CD36: variants seen among roughly 807,000 people sequenced by gnomAD.
The protein encoded by CD36 is CD36 molecule (CD36 blood group).
In CD36, 119 loss-of-function variants were observed where a neutral mutation model predicts 55.2. The ratio of observed to expected loss-of-function variants is 2.15; its 90% CI spans 1.86 to 2.51. The LOEUF (loss-of-function observed/expected upper bound fraction) is 2.51, where lower values mean the gene tolerates loss of function less well. CD36 is among the 30% of genes most tolerant of loss of function. The pLI, the probability that CD36 is intolerant of heterozygous loss-of-function variation, is 0.00. For synonymous variants in CD36, 186 were observed against 193.6 expected, an observed-to-expected ratio of 0.96 and a Z score of 0.33; for missense variants, 819 against 555.5, an observed-to-expected ratio of 1.47 and a Z score of -4.77.
chr7:80,654,015 G>A (rs1795822618), intron 3 of CD36, among the ~76,000 whole-genome samples: 1 of 152,066 alleles, frequency 6.6e-6, no homozygotes. Context: ...TAAAAAAATG[G>A]ACGGGGTTAG....
At position 80,674,083 on chromosome 7, in the gene CD36, G is replaced by GACACCACTTAAA. The variant is rs1798016832; in HGVS notation, c.1355_1356insACACCACTTAAA (p.Gly452_Val453insHisHisLeuAsn). ...ATAGAAATGATCTTACTCAGTGTTGGTGTGGTGATGTTTGTTGCTTTTATG... is the reference window on the plus strand; with the variant it reads ...ATAGAAATGATCTTACTCAGTGTTGGACACCACTTAAATGTGGTGATGTTTGTTGCTTTTATG... On this transcript the variant is annotated inframe_insertion, in exon 14 of 15. Transcript: ENST00000447544. 2 of 1,612,126 alleles carry GACACCACTTAAA rather than the reference G, an allele frequency of 1.2e-6. No homozygotes were observed. The highest frequency in any genetic ancestry group is 1.7e-6 in the Non-Finnish European group (2 of 1,178,796).
intron 1 of CD36, among the ~76,000 whole-genome samples, chr7:80,609,017 T>C (rs891439903): frequency 6.6e-6 from 1 of 151,172 alleles, no homozygotes; most frequent in African/African-American, 2.4e-5. Context: ...TTCTTCATGC[T>C]GATGCCAAGG....
intron 12 of CD36, 94 bp from the exon 13 acceptor site, chr7:80,673,261 G>A: frequency 4.7e-6 from 3 of 631,636 alleles, no homozygotes; most frequent in Non-Finnish European, 8.3e-6. Flanking sequence ...AATCAAATTA[G>A]CAACAGCAAC....
intron 1 of CD36, chr7:80,626,082 G>A (rs1448767942): frequency 6.6e-6 from 1 of 152,088 alleles, no homozygotes; most frequent in African/African-American, 2.4e-5. Context: ...AAGGGATGAT[G>A]AAAGATCAGT....
chr7:80,675,533 G>A (rs1798126025), intron 14 of CD36, among the ~76,000 whole-genome samples: 1 of 151,880 alleles, frequency 6.6e-6, no homozygotes, highest in South Asian at 2.1e-4. Flanking sequence ...GCTTGCTGGA[G>A]CAACTTTGTC....
chr7:80,675,190 G>GCTTCAAAAT (rs925040346), intron 14 of CD36, among the ~76,000 whole-genome samples: 55 of 152,046 alleles, frequency 3.6e-4, no homozygotes, highest in Non-Finnish European at 3.5e-4. Flanking sequence ...GGACAGAATG[G>GCTTCAAAAT]CTTCAAAATG....
chr7:80,646,663 G>A lies in CD36; in HGVS notation c.-78G>A. ...CTTTCTAATGATAGAACCAGAGCTTGTAGAAACCACTTTAATCATATCCAG... is the reference window on the plus strand; with the variant it reads ...CTTTCTAATGATAGAACCAGAGCTTATAGAAACCACTTTAATCATATCCAG... On this transcript the variant is annotated 5_prime_UTR_variant, in exon 3 of 15. Coordinates refer to ENST00000447544, the MANE Select transcript of CD36 (RefSeq NM_001001548.3). 1.3e-6 allele frequency: 2 copies of A among 1,558,932 alleles called. No individual in the cohort carries two copies. Among genetic ancestry groups the A allele is most frequent in the East Asian group, 4.5e-5 (2 of 44,436 alleles).
chr7:80,646,847 A>G lies in CD36; in HGVS notation c.107A>G (p.Lys36Arg). Residue 36 changes from lysine (K) to arginine (R), a missense_variant, in exon 3 of 15, where the codon AAG (lysine) becomes AGG (arginine). By Grantham distance (26) the Lys-to-Arg change is conservative. Coordinates refer to ENST00000447544, the MANE Select transcript of CD36 (RefSeq NM_001001548.3). Reference sequence around the variant, plus strand: ...CCAGTTGGAGACCTGCTTATCCAGAAGACAATTAAAAAGGTACAAGTAGTC... The same window carrying G: ...CCAGTTGGAGACCTGCTTATCCAGAGGACAATTAAAAAGGTACAAGTAGTC... ...LMPVGDLLIQ[K>R]TIKKQVVLEE... 6.2e-7 allele frequency: 1 copy of G among 1,613,968 alleles called. No homozygotes were observed. The highest frequency in any genetic ancestry group is 8.5e-7 in the Non-Finnish European group (1 of 1,179,878).
chr7:80,620,881 A>G (rs774673415), intron 1 of CD36, among the ~76,000 whole-genome samples: 2 of 152,256 alleles, frequency 1.3e-5, no homozygotes, highest in Non-Finnish European at 1.5e-5. Flanking sequence ...ATAATATTAC[A>G]TAAAGTTGGT....
Position 80,673,965 on chromosome 7 carries a change from T to TTATTAACTTGATTA in CD36, c.1255-17_1255-4dup. The TTATTAACTTGATTA allele has an allele frequency of 6.2e-7, 1 of 1,603,418 alleles. No homozygotes were observed. Among genetic ancestry groups the TTATTAACTTGATTA allele is most frequent in the Admixed American group, 1.7e-5 (1 of 59,808 alleles). On this transcript the variant is annotated splice_polypyrimidine_tract_variant and intron_variant, in intron 13 of 14. Transcript: ENST00000447544. ...TACTAACGTACCCAAATAATGTTGA[T>TTATTAACTTGATTA]TATTAACTTGATTACAGACTGGGAC...
intron 1 of CD36, among the ~76,000 whole-genome samples, chr7:80,606,447 G>T (rs144101151): frequency 1.3e-5 from 2 of 152,090 alleles, no homozygotes; most frequent in African/African-American, 4.8e-5. Context: ...TTTACAAGAC[G>T]CTAAATATAT....
rs563979368 is a variant in CD36, at chr7:80,670,124, TTAAC to T, written c.818+108_818+111del. The T allele has an allele frequency of 1.3e-3, 1,077 of 798,914 alleles. 14 individuals are homozygous for T. The highest frequency in any genetic ancestry group is 0.012 in the South Asian group (894 of 72,320). 49.5% of individuals were successfully genotyped at this position (798,914 alleles called of 1,614,324 possible). On this transcript the variant is annotated intron_variant, in intron 9 of 14. Coordinates refer to ENST00000447544, the MANE Select transcript of CD36 (RefSeq NM_001001548.3). Reference sequence around the variant, plus strand: ...CAGCATAGGAAATTCATCATGTTTATTAACTAACTCTTTGCAAAATGTTCTTCTG... The same window carrying T: ...CAGCATAGGAAATTCATCATGTTTATTAACTCTTTGCAAAATGTTCTTCTG...
intron 1 of CD36, among the ~76,000 whole-genome samples, chr7:80,631,255 C>T (rs987670014): frequency 5.3e-5 from 8 of 151,948 alleles, no homozygotes; most frequent in African/African-American, 1.2e-4. Flanking sequence ...TTGAGTCCTT[C>T]GTTGTTTGCT....
At chr7:80,633,633 C>G (rs1187855174) in intron 1 of CD36, among the ~76,000 whole-genome samples, 2 of 151,972 alleles carry the variant, frequency 1.3e-5, no homozygotes, top group African/African-American at 4.8e-5. Context: ...AGTCCTTCCT[C>G]AACTTATAAA....
In CD36 at chr7:80,661,156, AC is replaced by A. The variant is rs1408214637; in HGVS notation, c.376del (p.Leu126TyrfsTer31). 6.2e-7 allele frequency: 1 copy of A among 1,613,894 alleles called. No homozygotes were observed. The highest frequency in any genetic ancestry group is 8.5e-7 in the Non-Finnish European group (1 of 1,179,912). Reference protein sequence around the residue: ...QPNGAIFEPSLSVGTEADNFT... With the variant: ...QPNGAIFEPSXSVGTEADNFT... Reference sequence around the variant, plus strand: ...CCAATGGTGCCATCTTCGAACCTTCACTATCAGTTGGAACAGAGGCTGACAA... The same window carrying A: ...CCAATGGTGCCATCTTCGAACCTTCATATCAGTTGGAACAGAGGCTGACAA... On this transcript the variant is annotated frameshift_variant, in exon 5 of 15. Transcript: ENST00000447544. LOFTEE classifies it high-confidence loss of function.
intron 6 of CD36, 62 bp downstream of exon 6, chr7:80,663,231 G>A (rs1796706367): frequency 7.4e-7 from 1 of 1,351,648 alleles, no homozygotes; most frequent in African/African-American, 1.4e-5. Context: ...CAATGGCATT[G>A]GCAAGGCATA....
chr7:80,661,193 C>T lies in CD36; in HGVS notation c.412C>T (p.Leu138Phe), dbSNP rs563097847. The T allele has an allele frequency of 1.9e-6, 3 of 1,613,954 alleles. No individual in the cohort carries two copies. The highest frequency in any genetic ancestry group is 2.2e-5 in the East Asian group (1 of 44,826). ...AACAGAGGCTGACAACTTCACAGTT[C>T]TCAATCTGGCTGTGGCAGTGAGTAG... ...VGTEADNFTV[L>F]NLAVAAASHI... is the part of the protein sequence containing the mutation. The change falls in exon 5 of 15, where the codon CTC becomes TTC. Residue 138 changes from leucine to phenylalanine, a missense_variant. Physicochemically the swap from Leu to Phe is conservative, Grantham distance 22. Transcript: ENST00000447544.
At chr7:80,623,308 C>T (rs1187363189) in intron 1 of CD36, among the ~76,000 whole-genome samples, 1 of 151,722 alleles carries the variant, frequency 6.6e-6, no homozygotes, top group Non-Finnish European at 1.5e-5. Context: ...ATTTGAAGTA[C>T]ATTATAGAAA....
At chr7:80,604,917 T>G (rs1169034460) in intron 1 of CD36, among the ~76,000 whole-genome samples, 1 of 152,156 alleles carries the variant, frequency 6.6e-6, no homozygotes, top group African/African-American at 2.4e-5. Flanking sequence ...TAATTGAAAT[T>G]CATTTGGAGG....
Sources: allele counts gnomAD v4.1 joint callset (sites outside exome capture counted in the v4.1 genomes callset), GRCh38; gene constraint gnomAD v4.1.1; transcripts MANE v1.5; gene names NCBI Gene and HGNC (gene_info 2026-07-23, HGNC 2026-07-21).